The following LGR5 variants were observed in gnomAD, a reference collection of about 807,000 sequenced individuals.
LGR5 encodes leucine-rich repeat-containing G protein-coupled receptor 5.
A neutral mutation model predicts 76.7 loss-of-function variants in LGR5; 54 were observed. The observed-to-expected ratio is 0.70, with a 90% confidence interval of 0.57 to 0.88. LGR5 has a LOEUF of 0.88. LGR5 is among the 40% of genes least tolerant of loss of function. LGR5 has a pLI of 0.00. For missense variants in LGR5, 1,078 were observed against 1,073.3 expected (o/e 1.00, Z -0.06); for synonymous variants, 406 against 421.9 (o/e 0.96, Z 0.46).
At chr12:71,530,527 T>G (rs551263211) in intron 3 of LGR5, among the ~76,000 whole-genome samples, 5 of 152,356 alleles carry the variant, frequency 3.3e-5, no homozygotes, top group Admixed American at 6.5e-5. Flanking sequence ...CAGCCATCCT[T>G]GGCTAGGTCT....
intron 1 of LGR5, among the ~76,000 whole-genome samples, chr12:71,472,971 C>A (rs1000854944): frequency 2.6e-5 from 4 of 152,122 alleles, no homozygotes; most frequent in South Asian, 2.1e-4. Flanking sequence ...CTGGGAGCAA[C>A]CTTTATGGCT....
At chr12:71,458,349 AC>A (rs1483502922) in intron 1 of LGR5, among the ~76,000 whole-genome samples, 1 of 152,122 alleles carries the variant, frequency 6.6e-6, no homozygotes, top group Non-Finnish European at 1.5e-5. Flanking sequence ...TTGGAGCTCA[AC>A]AAGCTTCAAG....
intron 4 of LGR5, among the ~76,000 whole-genome samples, chr12:71,545,545 TC>T: frequency 6.6e-6 from 1 of 151,888 alleles, no homozygotes; most frequent in Middle Eastern, 3.5e-3. Context: ...ATTACAAGAA[TC>T]CCTATAAACT....
At chr12:71,577,832 A>G in intron 13 of LGR5, 93 bp from the exon 14 acceptor site, 1 of 802,884 alleles carries the variant, frequency 1.2e-6, no homozygotes, top group Non-Finnish European at 2.1e-6. Context: ...AATGGAAATT[A>G]AATTAATTTT....
At chr12:71,493,261 G>A (rs1396366091) in intron 1 of LGR5, among the ~76,000 whole-genome samples, 3 of 151,188 alleles carry the variant, frequency 2.0e-5, no homozygotes, top group Non-Finnish European at 4.4e-5. Context: ...AGAGTCAGCA[G>A]TCCTTTCCTC....
At chr12:71,474,334 G>T (rs1009193079) in intron 1 of LGR5, among the ~76,000 whole-genome samples, 1 of 152,166 alleles carries the variant, frequency 6.6e-6, no homozygotes, top group South Asian at 2.1e-4. Flanking sequence ...AGTTGCTCCC[G>T]AGCAGGTACT....
intron 8 of LGR5, among the ~76,000 whole-genome samples, chr12:71,564,843 CTG>C (rs1178768287): frequency 2.7e-5 from 4 of 149,360 alleles, no homozygotes; most frequent in African/African-American, 9.8e-5. Context: ...TACACACACA[CTG>C]TGTATATATA....
intron 4 of LGR5, among the ~76,000 whole-genome samples, chr12:71,544,316 C>CTTT (rs5799045): frequency 5.7e-5 from 2 of 34,862 alleles, no homozygotes; most frequent in African/African-American, 2.1e-4. Context: ...TCTTCTTCTT[C>CTTT]TTTTTTTTTT....
Position 71,493,999 on chromosome 12 carries a change from A to G in LGR5, c.213-10615A>G, listed in dbSNP as rs866423364. Among the ~76,000 whole-genome samples the G allele has an allele frequency of 2.1e-5, 3 of 140,116 alleles. No individual in the cohort carries two copies. The South Asian group carries it at 6.5e-4, about 30-fold the overall frequency. The allele number at this position is 140,116 out of a possible 152,430, so 91.9% of individuals were successfully genotyped here. On this transcript the variant is annotated intron_variant, in intron 1 of 17. Coordinates refer to ENST00000266674, the MANE Select transcript of LGR5 (RefSeq NM_003667.4). ...CGCTCTGTCCCCCAGGCTGGAGTGT[A>G]GTGGCGTGATCTCGGCTCACTGCAA... is the stretch of plus-strand genomic sequence containing the variant.
At chr12:71,499,664 G>C (rs1874504260) in intron 1 of LGR5, among the ~76,000 whole-genome samples, 1 of 152,094 alleles carries the variant, frequency 6.6e-6, no homozygotes, top group Admixed American at 6.5e-5. Flanking sequence ...CTCCTTCATG[G>C]GGTCTAAACT....
chr12:71,561,796 C>A lies in LGR5; in HGVS notation c.801C>A (p.Asn267Lys). 1.9e-6 allele frequency: 3 copies of A among 1,601,404 alleles called. No homozygotes were observed. Among genetic ancestry groups the A allele is most frequent in the Non-Finnish European group, 2.6e-6 (3 of 1,171,718 alleles). ...SNLKELGFHSNNIRSIPEKAF... is the reference protein window; with the variant it reads ...SNLKELGFHSKNIRSIPEKAF... ...CTCTTTCTAGAGGATTTCATAGCAA[C>A]AATATCAGGTCGATACCTGAGAAAG... Residue 267 changes from asparagine to lysine, a missense_variant, in exon 8 of 18, where the codon AAC becomes AAA. Transcript: ENST00000266674.
Position 71,553,267 on chromosome 12 carries a change from A to G in LGR5, c.623A>G (p.Asn208Ser), listed in dbSNP as rs915328985. The change falls in exon 5 of 18, where the codon AAC becomes AGC. Residue 208 changes from asparagine (N) to serine (S), a missense_variant. Coordinates refer to ENST00000266674, the MANE Select transcript of LGR5 (RefSeq NM_003667.4). The stretch of plus-strand genomic sequence containing the variant: ...CACATACCAGACTATGCCTTTGGAA[A>G]CCTCTCCAGCTTGGTAGTTCTGTAA... ...IHHIPDYAFG[N>S]LSSLVVLHLH... The G allele has an allele frequency of 4.2e-5, 68 of 1,613,524 alleles. No homozygotes were observed. Among genetic ancestry groups the G allele is most frequent in the Non-Finnish European group, 5.5e-5 (65 of 1,179,874 alleles).
chr12:71,446,133 G>C (rs1347826756), intron 1 of LGR5, among the ~76,000 whole-genome samples: 1 of 152,200 alleles, frequency 6.6e-6, no homozygotes, highest in Admixed American at 6.5e-5. Context: ...GTTGAATTGA[G>C]TAGAATTGGC....
intron 1 of LGR5, among the ~76,000 whole-genome samples, chr12:71,450,214 C>T (rs767079619): frequency 2.6e-5 from 4 of 152,168 alleles, no homozygotes; most frequent in African/African-American, 7.2e-5. Context: ...GTCAAATACT[C>T]GAATGAACTC....
chr12:71,529,395 C>A (rs914413428), intron 3 of LGR5, among the ~76,000 whole-genome samples: 42 of 152,202 alleles, frequency 2.8e-4, no homozygotes, highest in African/African-American at 9.6e-4. Context: ...ACCATCAGAT[C>A]TCGTGAGAAC....
chr12:71,544,737 A>G (rs1482028771), intron 4 of LGR5, among the ~76,000 whole-genome samples: 1 of 152,244 alleles, frequency 6.6e-6, no homozygotes, highest in Non-Finnish European at 1.5e-5. Flanking sequence ...GTAAAATTTT[A>G]TCACAACAAA....
intron 1 of LGR5, among the ~76,000 whole-genome samples, chr12:71,492,130 A>G (rs1565688012): frequency 3.3e-5 from 5 of 152,068 alleles, no homozygotes; most frequent in Admixed American, 2.0e-4. Flanking sequence ...GTTGAGGAGG[A>G]AGCCCACAGA....
At chr12:71,519,460 G>A (rs1875617541) in intron 2 of LGR5, among the ~76,000 whole-genome samples, 1 of 151,874 alleles carries the variant, frequency 6.6e-6, no homozygotes, top group Non-Finnish European at 1.5e-5. Context: ...ATGAGGTCAG[G>A]GGCTTTATCC....
At chr12:71,553,805 C>A (rs574897237) in intron 5 of LGR5, among the ~76,000 whole-genome samples, 1 of 152,264 alleles carries the variant, frequency 6.6e-6, no homozygotes, top group East Asian at 1.9e-4. Flanking sequence ...AAGAGTAACA[C>A]ACAAGGCCGG....
Sources: allele counts gnomAD v4.1 joint callset (sites outside exome capture counted in the v4.1 genomes callset), GRCh38; gene constraint gnomAD v4.1.1; transcripts MANE v1.5; gene names NCBI Gene and HGNC (gene_info 2026-07-23, HGNC 2026-07-21).